The following AGBL4 variants were observed in gnomAD, a reference collection of about 807,000 sequenced individuals.
The protein encoded by AGBL4 is AGBL carboxypeptidase 4.
Under a neutral mutation model 66.4 loss-of-function variants are expected in AGBL4, and 58 were observed. The ratio of observed to expected loss-of-function variants is 0.87; its 90% CI spans 0.71 to 1.09. The LOEUF is 1.09. Ranked by LOEUF, AGBL4 falls within the 50% of genes least tolerant of loss-of-function variation. The pLI is 0.00. For synonymous variants in AGBL4, 234 were observed against 222.9 expected, an observed-to-expected ratio of 1.05 and a Z score of -0.44; for missense variants, 579 against 631.0, an observed-to-expected ratio of 0.92 and a Z score of 0.88.
chr1:49,767,985 T>A (rs1352199300), intron 2 of AGBL4, among the ~76,000 whole-genome samples: 74 of 132,938 alleles, frequency 5.6e-4, no homozygotes, highest in African/African-American at 1.8e-3. Context: ...AAGTATAATT[T>A]AAAAAAAAAA....
At position 49,303,376 on chromosome 1, in the gene AGBL4, G is replaced by A. The variant is rs1263411645; in HGVS notation, c.283-57512C>T. Among the ~76,000 whole-genome samples the A allele has an allele frequency of 4.6e-5, 7 of 152,274 alleles. No homozygotes were observed. The East Asian group carries it at 1.4e-3, about 29-fold the overall frequency. On this transcript the variant is annotated intron_variant, in intron 3 of 13. Transcript: ENST00000371839. ...GACTGGTGTGAGATGGAATCTCACT[G>A]TGGCTTTGATTTGCATTTCTCTAAT...
At position 49,528,195 on chromosome 1, in the gene AGBL4, G is replaced by C. The variant is rs758653734; in HGVS notation, c.282+169118C>G. On this transcript the variant is annotated intron_variant, in intron 3 of 13. Transcript: ENST00000371839. ...ATTCTGTCTTGGGCAAGGAGATGTA[G>C]AAAAAGCATGTCAGGAAGGAAAAGC... Among the ~76,000 whole-genome samples the C allele has an allele frequency of 2.6e-5, 4 of 151,920 alleles. 1 individual carries two copies. Among genetic ancestry groups the C allele is most frequent in the Non-Finnish European group, 4.4e-5 (3 of 67,964 alleles).
chr1:49,275,096 A>T (rs111385607), intron 3 of AGBL4, among the ~76,000 whole-genome samples: 1 of 152,188 alleles, frequency 6.6e-6, no homozygotes, highest in Non-Finnish European at 1.5e-5. Flanking sequence ...TTGTCACAGG[A>T]CATAATTAAT....
At position 49,887,525 on chromosome 1, in the gene AGBL4, T is replaced by C. The variant is rs12091950; in HGVS notation, c.35-36007A>G. Among the ~76,000 whole-genome samples, 673 of 152,200 alleles carry C rather than the reference T, an allele frequency of 4.4e-3. 9 individuals are homozygous for C. The highest frequency in any genetic ancestry group is 0.015 in the African/African-American group (631 of 41,540). On this transcript the variant is annotated intron_variant, in intron 1 of 13. Coordinates refer to ENST00000371839, the MANE Select transcript of AGBL4 (RefSeq NM_032785.4). ...CTATAAACAAGCTTATATGGGTATA[T>C]AAAAATGTGTATTTATGCCATAAAC...
intron 3 of AGBL4, among the ~76,000 whole-genome samples, chr1:49,596,343 T>C (rs576557845): frequency 1.3e-5 from 2 of 152,236 alleles, no homozygotes; most frequent in African/African-American, 4.8e-5. Flanking sequence ...TTGATTCTTG[T>C]ATTTTTTGGT....
intron 3 of AGBL4, among the ~76,000 whole-genome samples, chr1:49,580,754 A>G (rs999073730): frequency 5.3e-5 from 8 of 152,122 alleles, no homozygotes; most frequent in African/African-American, 1.9e-4. Flanking sequence ...TGGGTAGTCC[A>G]CTGTGAGTCA....
intron 9 of AGBL4, among the ~76,000 whole-genome samples, chr1:48,602,565 C>T (rs1645088918): frequency 1.3e-5 from 2 of 152,178 alleles, no homozygotes; most frequent in African/African-American, 4.8e-5. Context: ...CAATCATTCC[C>T]CTACGCTAAT....
intron 3 of AGBL4, among the ~76,000 whole-genome samples, chr1:49,360,182 G>A (rs142812145): frequency 1.3e-5 from 2 of 152,070 alleles, no homozygotes; most frequent in Admixed American, 6.5e-5. Flanking sequence ...GATCCTAGCA[G>A]AGTGGAAAAC....
chr1:49,441,674 G>T (rs1646034298), intron 3 of AGBL4, among the ~76,000 whole-genome samples: 1 of 152,206 alleles, frequency 6.6e-6, no homozygotes. Context: ...AGATCTCACA[G>T]TGGGAACCAC....
chr1:48,983,879 T>C (rs1364224719), intron 5 of AGBL4, among the ~76,000 whole-genome samples: 2 of 152,062 alleles, frequency 1.3e-5, no homozygotes, highest in Non-Finnish European at 2.9e-5. Context: ...TTGTTAACCA[T>C]ATAAATGAGG....
intron 4 of AGBL4, among the ~76,000 whole-genome samples, chr1:49,218,514 C>T (rs1223563947): frequency 6.7e-6 from 1 of 150,176 alleles, no homozygotes; most frequent in East Asian, 1.9e-4. Context: ...AGTTACATAG[C>T]TGGATAGGGG....
Position 49,624,832 on chromosome 1 carries a change from T to A in AGBL4, c.282+72481A>T, listed in dbSNP as rs142171433. On this transcript the variant is annotated intron_variant, in intron 3 of 13. Coordinates refer to ENST00000371839, the MANE Select transcript of AGBL4 (RefSeq NM_032785.4). The stretch of plus-strand genomic sequence containing the variant: ...CTCCATGTGAGAAAATAATTCCTTA[T>A]ATTTTTTAAAGCAACTATTGTTTTG... Among the ~76,000 whole-genome samples the A allele has an allele frequency of 4.3e-3, 654 of 152,350 alleles. 6 individuals are homozygous for A. Among genetic ancestry groups the A allele is most frequent in the African/African-American group, 0.015 (612 of 41,590 alleles).
intron 11 of AGBL4, among the ~76,000 whole-genome samples, chr1:48,558,754 T>C (rs1196136237): frequency 6.6e-6 from 1 of 152,196 alleles, no homozygotes; most frequent in African/African-American, 2.4e-5. Flanking sequence ...GCTGAGTCCT[T>C]AGATCCAGTA....
At chr1:49,195,795 T>A (rs1570022942) in intron 4 of AGBL4, among the ~76,000 whole-genome samples, 1 of 152,142 alleles carries the variant, frequency 6.6e-6, no homozygotes, top group Non-Finnish European at 1.5e-5. Context: ...GTAAGTGATA[T>A]GGTTTGGCTG....
chr1:48,962,945 C>A (rs1019843727), intron 5 of AGBL4, among the ~76,000 whole-genome samples: 2 of 151,492 alleles, frequency 1.3e-5, no homozygotes, highest in African/African-American at 4.9e-5. Flanking sequence ...ATAAAATAAT[C>A]CACTAAGATG....
rs560303091 is a variant in AGBL4, at chr1:48,929,209, T to C, written c.595-61979A>G. The stretch of plus-strand genomic sequence containing the variant: ...CTGATTCTCACTCCCTTACTCAAGG[T>C]CTCTGAGGTAAAAGATTAAAATGTA... On this transcript the variant is annotated intron_variant, in intron 5 of 13. Transcript: ENST00000371839. 2.0e-5 allele frequency among the ~76,000 whole-genome samples: 3 copies of C among 152,260 alleles called. No homozygotes were observed. The South Asian group carries it at 6.2e-4, about 32-fold the overall frequency.
chr1:49,005,247 C>A (rs1333507504), intron 5 of AGBL4, among the ~76,000 whole-genome samples: 1 of 152,214 alleles, frequency 6.6e-6, no homozygotes, highest in Non-Finnish European at 1.5e-5. Context: ...AGAAACTTTT[C>A]CATACAGTAG....
intron 1 of AGBL4, among the ~76,000 whole-genome samples, chr1:49,948,287 A>C (rs1390366389): frequency 2.1e-4 from 23 of 109,456 alleles, no homozygotes; most frequent in African/African-American, 8.1e-4. Flanking sequence ...AATATATATA[A>C]ATATATAAAA....
chr1:49,675,711 T>C (rs966956140), intron 3 of AGBL4, among the ~76,000 whole-genome samples: 1 of 152,054 alleles, frequency 6.6e-6, no homozygotes, highest in Non-Finnish European at 1.5e-5. Flanking sequence ...ACTGTAGTAT[T>C]CTTAATATTG....
Sources: gnomAD v4.1 joint callset for allele counts (sites outside exome capture counted in the v4.1 genomes callset) on GRCh38, gnomAD v4.1.1 for gene constraint, MANE v1.5 for transcripts, NCBI Gene and HGNC (gene_info 2026-07-23, HGNC 2026-07-21) for gene names.